RDH10: variants seen among roughly 807,000 people sequenced by gnomAD.
RDH10 encodes retinol dehydrogenase 10.
Under a neutral mutation model 30.2 loss-of-function variants are expected in RDH10, and 12 were observed. The observed-to-expected ratio is 0.40, with a 90% CI of 0.25 to 0.64. RDH10 has a LOEUF of 0.64. Among genes scored for constraint, RDH10 ranks in the 30% least tolerant of loss-of-function variants. The pLI, the probability that RDH10 is intolerant of heterozygous loss-of-function variation, is 0.43. For missense variants in RDH10, 268 were observed against 445.2 expected (o/e 0.60, Z 3.58); for synonymous variants, 189 against 172.2 (o/e 1.10, Z -0.76).
At chr8:73,311,425 T>C (rs1001367448) in intron 2 of RDH10, 1 of 152,218 alleles carries the variant, frequency 6.6e-6, no homozygotes, top group African/African-American at 2.4e-5. Context: ...TCCTATCCTT[T>C]AACAGTGGGA....
chr8:73,303,696 CTT>C (rs1814419811), intron 2 of RDH10, among the ~76,000 whole-genome samples: 1 of 152,168 alleles, frequency 6.6e-6, no homozygotes, highest in Non-Finnish European at 1.5e-5. Context: ...TAAAACATCT[CTT>C]TTGATAGGAA....
At chr8:73,322,202 C>A (rs17215061) in intron 4 of RDH10, 70,674 of 352,030 alleles carry the variant, frequency 0.2, 7,217 homozygotes, top group Middle Eastern at 0.24. Flanking sequence ...TTCAGGGGCC[C>A]CTAGAGAATA....
intron 1 of RDH10, chr8:73,295,780 C>A: frequency 1.0e-6 from 1 of 989,068 alleles, no homozygotes; most frequent in Non-Finnish European, 1.4e-6. Context: ...AGAAGGTGCC[C>A]TGTCCTCGCG....
intron 2 of RDH10, among the ~76,000 whole-genome samples, chr8:73,313,891 A>G (rs1437260689): frequency 2.0e-5 from 3 of 152,190 alleles, no homozygotes; most frequent in Non-Finnish European, 4.4e-5. Context: ...CCCCTTTACT[A>G]GATGATAACT....
chr8:73,295,687 A>G, intron 1 of RDH10, 109 bp downstream of exon 1: 1 of 1,137,360 alleles, frequency 8.8e-7, no homozygotes, highest in South Asian at 1.7e-5. Flanking sequence ...CTGTGGAGGA[A>G]AGGAACACCC....
chr8:73,306,124 G>A (rs141730151), intron 2 of RDH10, among the ~76,000 whole-genome samples: 64 of 152,322 alleles, frequency 4.2e-4, no homozygotes, highest in African/African-American at 1.5e-3. Flanking sequence ...AAGGTTCCCT[G>A]TATTGTGAAT....
rs1814246327 is a variant in RDH10, at chr8:73,295,570, C to T, written c.281C>T (p.Ala94Val). 2.0e-6 allele frequency: 3 copies of T among 1,522,604 alleles called. No individual in the cohort carries two copies. Among genetic ancestry groups the T allele is most frequent in the Admixed American group, 2.1e-5 (1 of 48,416 alleles). 94.3% of individuals were successfully genotyped at this position (1,522,604 alleles called of 1,614,324 possible). ...GACCTGGAGGCGGCCGACGCCGCTG[C>T]GCTGCAAGGTAACCTGGACCCGCGC... ...YRDLEAADAA[A>V]LQAGNGEEEI... The change falls in exon 1 of 6, where the codon GCG becomes GTG. Residue 94 changes from alanine to valine, a missense_variant. This residue lies in a region of RDH10 where 46 missense variants were observed against 36.7 expected (regional missense o/e 1.25). Coordinates refer to ENST00000240285, the MANE Select transcript of RDH10 (RefSeq NM_172037.5).
Position 73,322,814 on chromosome 8 carries a change from A to T in RDH10, c.902+4A>T, listed in dbSNP as rs768522461. 2.5e-6 allele frequency: 4 copies of T among 1,614,064 alleles called. No individual in the cohort carries two copies. Among genetic ancestry groups the T allele is most frequent in the Non-Finnish European group, 3.4e-6 (4 of 1,180,034 alleles). On this transcript the variant is annotated splice_donor_region_variant and intron_variant, in intron 5 of 5. Transcript: ENST00000240285. ...ACATCGTGACCTTCATGAAGAGGTA[A>T]CTGGGAGGGGTTCCCTCACTGACTG...
At chr8:73,318,202 C>T (rs1814707381) in intron 2 of RDH10, among the ~76,000 whole-genome samples, 1 of 151,906 alleles carries the variant, frequency 6.6e-6, no homozygotes, top group African/African-American at 2.4e-5. Context: ...AATAGATCAT[C>T]GTAAGCAATT....
intron 2 of RDH10, chr8:73,313,500 TGGTAGCA>T (rs1814608082): frequency 6.6e-6 from 1 of 152,112 alleles, no homozygotes. Flanking sequence ...CCCTGTCAGC[TGGTAGCA>T]GAATATGGTA....
intron 2 of RDH10, among the ~76,000 whole-genome samples, chr8:73,307,433 C>T (rs1404836790): frequency 2.0e-5 from 3 of 152,188 alleles, no homozygotes; most frequent in African/African-American, 7.2e-5. Context: ...ATAGATAGCA[C>T]TTATAACAAA....
At chr8:73,296,230 C>G (rs931134203) in intron 1 of RDH10, among the ~76,000 whole-genome samples, 1 of 151,862 alleles carries the variant, frequency 6.6e-6, no homozygotes, top group Non-Finnish European at 1.5e-5. Flanking sequence ...ATTAACTAAC[C>G]TGAATCTGAG....
intron 2 of RDH10, 91 bp from the exon 3 acceptor site, chr8:73,319,005 T>C (rs1814721418): frequency 1.3e-6 from 1 of 749,032 alleles, no homozygotes; most frequent in Non-Finnish European, 2.3e-6. Context: ...CAAAACATCA[T>C]GTGAATAAAA....
intron 2 of RDH10, among the ~76,000 whole-genome samples, chr8:73,301,634 T>C (rs1482081143): frequency 6.6e-6 from 1 of 151,908 alleles, no homozygotes; most frequent in Non-Finnish European, 1.5e-5. Flanking sequence ...TGCTAGCCTG[T>C]AATCCCAGCT....
chr8:73,316,729 A>G (rs1342239537), intron 2 of RDH10, among the ~76,000 whole-genome samples: 1 of 152,162 alleles, frequency 6.6e-6, no homozygotes. Flanking sequence ...CTTCTACTCC[A>G]TTTCTGGGGA....
chr8:73,295,717 G>A (rs1332806099), intron 1 of RDH10, 139 bp downstream of exon 1: 4 of 981,154 alleles, frequency 4.1e-6, no homozygotes, highest in African/African-American at 3.5e-5. Flanking sequence ...TTTGGGAGAC[G>A]AGTGGAATTC....
chr8:73,301,039 A>ATTT (rs1563547188), intron 2 of RDH10, among the ~76,000 whole-genome samples: 3 of 98,800 alleles, frequency 3.0e-5, no homozygotes, highest in African/African-American at 1.2e-4. Context: ...ACAAAACTCT[A>ATTT]TTCTTTTTTT....
At chr8:73,316,120 G>T (rs929822888) in intron 2 of RDH10, among the ~76,000 whole-genome samples, 2 of 152,104 alleles carry the variant, frequency 1.3e-5, no homozygotes, top group African/African-American at 2.4e-5. Context: ...GGGCTCAAGC[G>T]ATCTGTCTAC....
At chr8:73,307,434 T>C (rs1392324287) in intron 2 of RDH10, among the ~76,000 whole-genome samples, 1 of 152,212 alleles carries the variant, frequency 6.6e-6, no homozygotes, top group Non-Finnish European at 1.5e-5. Flanking sequence ...TAGATAGCAC[T>C]TATAACAAAA....
Sources: gnomAD v4.1 joint callset for allele counts (sites outside exome capture counted in the v4.1 genomes callset) on GRCh38, gnomAD v4.1.1 for gene constraint, gnomAD v4.1.1 regional missense constraint, MANE v1.5 for transcripts, NCBI Gene and HGNC (gene_info 2026-07-23, HGNC 2026-07-21) for gene names.